Variants in POU2F2 observed in about 807,000 individuals in gnomAD.
The protein encoded by POU2F2 is POU domain, class 2, transcription factor 2.
A neutral mutation model predicts 63.5 loss-of-function variants in POU2F2; 14 were observed. The ratio of observed to expected loss-of-function variants is 0.22; its 90% CI spans 0.15 to 0.34. The LOEUF is 0.34. Among genes scored for constraint, POU2F2 ranks in the 10% least tolerant of loss-of-function variants. The pLI is 1.00. For synonymous variants in POU2F2, 306 were observed against 348.6 expected (o/e 0.88, Z 1.36); for missense variants, 607 against 815.2 (o/e 0.74, Z 3.11).
At chr19:42,192,539 C>T (rs1017956028) in intron 1 of POU2F2, among the ~76,000 whole-genome samples, 1 of 152,176 alleles carries the variant, frequency 6.6e-6, no homozygotes, top group African/African-American at 2.4e-5. Context: ...TCTACCTCTG[C>T]ATCGTATTTA....
At chr19:42,140,161 G>A (rs1236300440) in intron 2 of POU2F2, among the ~76,000 whole-genome samples, 2 of 152,234 alleles carry the variant, frequency 1.3e-5, no homozygotes, top group Non-Finnish European at 2.9e-5. Flanking sequence ...CAGGCGCCTG[G>A]CCCTGGGTCT....
chr19:42,176,849 G>C (rs1940559624), upstream of POU2F2, among the ~76,000 whole-genome samples: 1 of 151,648 alleles, frequency 6.6e-6, no homozygotes, highest in Admixed American at 6.6e-5. Context: ...AGTGAGCGGC[G>C]CCCGCCCGGC....
intron 7 of POU2F2, 34 bp downstream of exon 7, chr19:42,099,493 G>A (rs1388186188): frequency 6.5e-7 from 1 of 1,545,082 alleles, no homozygotes; most frequent in Non-Finnish European, 9.0e-7. Flanking sequence ...CCTTGCTGCT[G>A]GCCTGGCCTG....
intron 1 of POU2F2, among the ~76,000 whole-genome samples, chr19:42,183,663 G>T (rs1158795735): frequency 6.6e-6 from 1 of 152,162 alleles, no homozygotes; most frequent in South Asian, 2.1e-4. Context: ...TCAAGATAGG[G>T]CTCTATGGGA....
intron 2 of POU2F2, among the ~76,000 whole-genome samples, chr19:42,158,674 T>C (rs1387278522): frequency 6.6e-6 from 1 of 152,190 alleles, no homozygotes; most frequent in Non-Finnish European, 1.5e-5. Flanking sequence ...ACCAAGTCAG[T>C]CACCCACATG....
chr19:42,124,587 C>T (rs1046769829), intron 1 of POU2F2, among the ~76,000 whole-genome samples: 2 of 152,180 alleles, frequency 1.3e-5, no homozygotes, highest in African/African-American at 2.4e-5. Flanking sequence ...AAAAGAAACA[C>T]GTGTCCTGCC....
chr19:42,128,889 A>G (rs1016124629), intron 1 of POU2F2, among the ~76,000 whole-genome samples: 2 of 151,182 alleles, frequency 1.3e-5, no homozygotes, highest in African/African-American at 4.9e-5. Flanking sequence ...CTGGAGTGCA[A>G]TGGTATGATC....
chr19:42,113,687 GGCTGTGACTCACTCCTAAGTCTTCA>G (rs1372317940), intron 5 of POU2F2, among the ~76,000 whole-genome samples: 1 of 152,226 alleles, frequency 6.6e-6, no homozygotes, highest in African/African-American at 2.4e-5. Flanking sequence ...GGGCAAGGAT[GGCTGTGACTCACTCCTAAGTCTTCA>G]GCTTCCTGCC....
In POU2F2 at chr19:42,096,606, G is replaced by A. The variant is rs898763652; in HGVS notation, c.568-363C>T. 3.9e-5 allele frequency among the ~76,000 whole-genome samples: 6 copies of A among 152,188 alleles called. No individual in the cohort carries two copies. Among genetic ancestry groups the A allele is most frequent in the Non-Finnish European group, 8.8e-5 (6 of 68,022 alleles). On this transcript the variant is annotated intron_variant, in intron 7 of 14. Coordinates refer to ENST00000692977, the MANE Select transcript of POU2F2 (RefSeq NM_001394376.1). This position sits in a 1 kb window ranked among gnomAD's most constrained non-coding sequence, Gnocchi z 4.1. ...CATCTCAACCTGGGAATCAGGGACT[G>A]GCCCTGCCACCAAATCACTGCTTAG...
Position 42,100,085 on chromosome 19 carries a change from C to CTT in POU2F2, c.370-266_370-265dup, listed in dbSNP as rs948283094. On this transcript the variant is annotated intron_variant, in intron 5 of 14. Transcript: ENST00000692977. ...CTCACTCTTTATTTACCCTTTCTTT[C>CTT]TTTTTTTTTTTTTTTTTTTTTTTTT... Among the ~76,000 whole-genome samples, 210 of 77,080 alleles carry CTT rather than the reference C, an allele frequency of 2.7e-3. 29 individuals carry two copies. The highest frequency in any genetic ancestry group is 4.7e-3 in the South Asian group (8 of 1,696). The allele number at this position is 77,080 out of a possible 152,430, so 50.6% of individuals were successfully genotyped here. A position where few individuals can be genotyped will look rare whatever the true frequency, so the allele number is the denominator to read the frequency against.
At chr19:42,193,257 C>T (rs1019185387) in intron 1 of POU2F2, among the ~76,000 whole-genome samples, 1 of 151,086 alleles carries the variant, frequency 6.6e-6, no homozygotes, top group African/African-American at 2.4e-5. Context: ...AAATTTCCTG[C>T]GAAAGATGTC....
intron 5 of POU2F2, among the ~76,000 whole-genome samples, chr19:42,101,681 C>T (rs1334955384): frequency 6.6e-6 from 1 of 152,140 alleles, no homozygotes; most frequent in Non-Finnish European, 1.5e-5. Context: ...AATATAGGCG[C>T]TATCTAAGAA....
chr19:42,171,547 G>T (rs553055980), intron 1 of POU2F2, among the ~76,000 whole-genome samples: 2 of 151,814 alleles, frequency 1.3e-5, no homozygotes, highest in East Asian at 3.9e-4. Context: ...GTCTGTTTTG[G>T]GCATGGGGGG....
At position 42,092,987 on chromosome 19, in the gene POU2F2, GTA is replaced by G. The variant is rs56158047; in HGVS notation, c.1265-719_1265-718del. The stretch of plus-strand genomic sequence containing the variant: ...ATGCATATATATATTATGTGTGTGT[GTA>G]TATATATATATATATATATATTTTT... On this transcript the variant is annotated intron_variant, in intron 12 of 14. Coordinates refer to ENST00000692977, the MANE Select transcript of POU2F2 (RefSeq NM_001394376.1). This position sits in a 1 kb window ranked among gnomAD's most constrained non-coding sequence, Gnocchi z 5.0. Among the ~76,000 whole-genome samples, 12,191 of 92,320 alleles carry G rather than the reference GTA, an allele frequency of 0.13. 1,884 individuals are homozygous for G. Among genetic ancestry groups the G allele is most frequent in the African/African-American group, 0.28 (5,453 of 19,456 alleles). The allele number at this position is 92,320 out of a possible 152,430, so 60.6% of individuals were successfully genotyped here. A position where few individuals can be genotyped will look rare whatever the true frequency, so the allele number is the denominator to read the frequency against.
At chr19:42,135,554 G>A (rs1411777463), upstream of POU2F2, among the ~76,000 whole-genome samples, 1 of 152,000 alleles carries the variant, frequency 6.6e-6, no homozygotes, top group Non-Finnish European at 1.5e-5. Flanking sequence ...GTGGGCCTCA[G>A]AGACCCTCAA....
chr19:42,125,989 C>T (rs375341200), intron 1 of POU2F2, among the ~76,000 whole-genome samples: 3 of 152,314 alleles, frequency 2.0e-5, no homozygotes, highest in African/African-American at 2.4e-5. Context: ...CATCCTTAAC[C>T]TCTGCTATGG....
At position 42,155,184 on chromosome 19, in the gene POU2F2, G is replaced by A. The variant is rs528633876; in HGVS notation, c.-9+5148C>T. On this transcript the variant is annotated intron_variant, in intron 2 of 6. Coordinates refer to the POU2F2 transcript ENST00000524801. The surrounding 1 kb of genome is among the most constrained non-coding windows in gnomAD (Gnocchi z 4.2). ...TCTCATTGTCCCCTGCCTTCAGCCC[G>A]GCTGCCTTCATCTTTCTCTGATGCA... Among the ~76,000 whole-genome samples the A allele has an allele frequency of 3.9e-5, 6 of 152,300 alleles. No individual in the cohort carries two copies. Among genetic ancestry groups the A allele is most frequent in the South Asian group, 2.1e-4 (1 of 4,832 alleles).
chr19:42,148,327 T>C (rs965921185), intron 2 of POU2F2, among the ~76,000 whole-genome samples: 4 of 152,144 alleles, frequency 2.6e-5, no homozygotes, highest in East Asian at 1.9e-4. Flanking sequence ...TGCCAAAAAA[T>C]TCATAACTAG....
chr19:42,149,185 G>T (rs2034290802), intron 2 of POU2F2, among the ~76,000 whole-genome samples: 1 of 152,100 alleles, frequency 6.6e-6, no homozygotes, highest in Non-Finnish European at 1.5e-5. Context: ...CAAGGCTCAG[G>T]GCCAGCATGA....
Sources: gnomAD v4.1 joint callset for allele counts (sites outside exome capture counted in the v4.1 genomes callset) on GRCh38, gnomAD v4.1.1 for gene constraint, Gnocchi (gnomAD v3.1) non-coding constraint, MANE v1.5 for transcripts, NCBI Gene and HGNC (gene_info 2026-07-23, HGNC 2026-07-21) for gene names.